SPOPL: variants seen among roughly 807,000 people sequenced by gnomAD.
SPOPL encodes speckle type BTB/POZ protein like, also known as speckle-type POZ protein-like.
A neutral mutation model predicts 53.8 loss-of-function variants in SPOPL; 23 were observed. The ratio of observed to expected loss-of-function variants is 0.43; its 90% CI spans 0.31 to 0.61. The LOEUF is 0.61. SPOPL is among the 20% of genes least tolerant of loss of function. SPOPL has a pLI of 0.12. For synonymous variants in SPOPL, 164 were observed against 149.7 expected (o/e 1.10, Z -0.70); for missense variants, 442 against 466.9 (o/e 0.95, Z 0.49).
At chr2:138,544,938 C>T (rs989431565) in intron 1 of SPOPL, among the ~76,000 whole-genome samples, 4 of 152,254 alleles carry the variant, frequency 2.6e-5, no homozygotes, top group East Asian at 3.8e-4. Flanking sequence ...TTCTAGATTT[C>T]CTGGAATATG....
Position 138,571,229 on chromosome 2 carries a change from T to C in SPOPL, c.*2149T>C, listed in dbSNP as rs17648863. 0.011 allele frequency: 1,689 copies of C among 152,550 alleles called. 18 individuals are homozygous for C. Among genetic ancestry groups the C allele is most frequent in the Middle Eastern group, 0.024 (7 of 294 alleles). The allele number at this position is 152,550 out of a possible 1,614,324, so 9.4% of individuals were successfully genotyped here. ...TATCAGAAAAGTACTGATGTATCCA[T>C]TTATATCCAATGCGCACCACACCGG... On this transcript the variant is annotated 3_prime_UTR_variant, in exon 11 of 11. Transcript: ENST00000280098.
intron 8 of SPOPL, among the ~76,000 whole-genome samples, chr2:138,564,051 G>A (rs1397598982): frequency 6.6e-6 from 1 of 152,190 alleles, no homozygotes; most frequent in Non-Finnish European, 1.5e-5. Flanking sequence ...TCCAGAAAAT[G>A]CAGACTAATC....
rs369256513 is a variant in SPOPL at position 138,555,884 on chromosome 2, C to CT, written c.481-3127dup. ...AATTTTGAAGATTGCACATTTGCCT[C>CT]TTTTTTTTTTTGAAAGAAGCATAAC... On this transcript the variant is annotated intron_variant, in intron 5 of 10. Transcript: ENST00000280098. 2.9e-3 allele frequency among the ~76,000 whole-genome samples: 423 copies of CT among 146,228 alleles called. 1 individual carries two copies. The highest frequency in any genetic ancestry group is 4.3e-3 in the Non-Finnish European group (281 of 66,074).
intron 4 of SPOPL, among the ~76,000 whole-genome samples, chr2:138,552,036 T>G (rs1685324863): frequency 6.6e-6 from 1 of 152,046 alleles, no homozygotes; most frequent in African/African-American, 2.4e-5. Flanking sequence ...TCTTTATCTT[T>G]TTCACAGGTT....
At chr2:138,530,678 A>G (rs1684786865) in intron 1 of SPOPL, among the ~76,000 whole-genome samples, 1 of 152,230 alleles carries the variant, frequency 6.6e-6, no homozygotes, top group African/African-American at 2.4e-5. Context: ...GGATTTTTAT[A>G]TGCTGACTTA....
intron 1 of SPOPL, among the ~76,000 whole-genome samples, chr2:138,547,871 A>G (rs890593533): frequency 3.3e-4 from 50 of 151,856 alleles, no homozygotes; most frequent in African/African-American, 1.2e-3. Context: ...ATACTGTTTG[A>G]TTTTTTTTAG....
intron 1 of SPOPL, among the ~76,000 whole-genome samples, chr2:138,529,498 C>G (rs965222098): frequency 6.8e-6 from 1 of 147,694 alleles, no homozygotes; most frequent in Admixed American, 6.7e-5. Flanking sequence ...ATGCATGTGC[C>G]TGTGTGTGTG....
chr2:138,531,837 G>T (rs773787080), intron 1 of SPOPL, among the ~76,000 whole-genome samples: 5 of 151,826 alleles, frequency 3.3e-5, no homozygotes, highest in Non-Finnish European at 7.4e-5. Flanking sequence ...TTTTTTGGCA[G>T]CCTGATAATT....
At chr2:138,548,085 T>A (rs1685236362) in intron 1 of SPOPL, among the ~76,000 whole-genome samples, 1 of 152,162 alleles carries the variant, frequency 6.6e-6, no homozygotes, top group Non-Finnish European at 1.5e-5. Flanking sequence ...AAAATTGATC[T>A]ATAGCAAAGC....
chr2:138,549,416 A>C (rs935802910), intron 1 of SPOPL, among the ~76,000 whole-genome samples: 1 of 152,116 alleles, frequency 6.6e-6, no homozygotes, highest in African/African-American at 2.4e-5. Context: ...TGCACTACTT[A>C]TGTAGCTTAT....
chr2:138,568,318 T>G (rs932140434), intron 10 of SPOPL, among the ~76,000 whole-genome samples: 12 of 152,084 alleles, frequency 7.9e-5, no homozygotes, highest in African/African-American at 2.9e-4. Flanking sequence ...CTTGCATCAC[T>G]GGATGATGGT....
chr2:138,561,041 G>A (rs1685535300), intron 8 of SPOPL, 114 bp downstream of exon 8: 1 of 1,311,058 alleles, frequency 7.6e-7, no homozygotes, highest in East Asian at 2.5e-5. Flanking sequence ...GCTCTTGAGA[G>A]CTTTATGAAA....
chr2:138,555,167 TGTGCGA>T (rs1186492907), intron 5 of SPOPL, among the ~76,000 whole-genome samples: 1 of 145,582 alleles, frequency 6.9e-6, no homozygotes. Context: ...TGTGTGTGTG[TGTGCGA>T]GCCAGACTCG....
intron 1 of SPOPL, among the ~76,000 whole-genome samples, chr2:138,516,899 G>C (rs1684449625): frequency 2.0e-5 from 3 of 152,164 alleles, no homozygotes; most frequent in Non-Finnish European, 2.9e-5. Flanking sequence ...TTACCTCCTT[G>C]ACCTTATCTT....
At chr2:138,565,472 C>G (rs1487179104) in intron 10 of SPOPL, among the ~76,000 whole-genome samples, 1 of 152,110 alleles carries the variant, frequency 6.6e-6, no homozygotes, top group African/African-American at 2.4e-5. Flanking sequence ...ATTTGATATT[C>G]CCTTTTCCCT....
At chr2:138,560,264 A>G (rs982428670) in intron 7 of SPOPL, among the ~76,000 whole-genome samples, 7 of 152,160 alleles carry the variant, frequency 4.6e-5, no homozygotes, top group Non-Finnish European at 1.5e-5. Flanking sequence ...TGTTACCTCT[A>G]GTACCTTGCC....
intron 3 of SPOPL, 149 bp downstream of exon 3, chr2:138,550,753 A>G (rs1685296204): frequency 7.1e-7 from 1 of 1,402,266 alleles, no homozygotes; most frequent in African/African-American, 1.4e-5. Context: ...GGGGAATTAT[A>G]AAGAACTGTG....
chr2:138,520,791 TTAC>T (rs1684539879), intron 1 of SPOPL, among the ~76,000 whole-genome samples: 1 of 152,210 alleles, frequency 6.6e-6, no homozygotes. Context: ...CCATTGTAGT[TTAC>T]TACCCTGTTT....
chr2:138,555,227 T>G (rs1046124819), intron 5 of SPOPL, among the ~76,000 whole-genome samples: 18 of 151,310 alleles, frequency 1.2e-4, no homozygotes, highest in African/African-American at 4.1e-4. Context: ...AATCCATTCA[T>G]GAGGTTAGAG....
Sources: allele counts gnomAD v4.1 joint callset (sites outside exome capture counted in the v4.1 genomes callset), GRCh38; gene constraint gnomAD v4.1.1; transcripts MANE v1.5; gene names NCBI Gene and HGNC (gene_info 2026-07-23, HGNC 2026-07-21).